ATRX: variants seen among roughly 807,000 people sequenced by gnomAD.
The protein encoded by ATRX is ATRX chromatin remodeler.
A neutral mutation model predicts 172.6 loss-of-function variants in ATRX; 12 were observed. That is an observed-to-expected ratio of 0.07 (90% CI 0.04 to 0.11). The LOEUF (loss-of-function observed/expected upper bound fraction) is 0.11. ATRX is among the 10% of genes least tolerant of loss of function. ATRX has a pLI of 1.00. For synonymous variants in ATRX, 674 were observed against 594.7 expected, an observed-to-expected ratio of 1.13 and a Z score of -1.94; for missense variants, 1,368 against 1,767.4, an observed-to-expected ratio of 0.77 and a Z score of 4.05.
chrX:77,668,919 G>A (rs976323140), intron 10 of ATRX, among the ~76,000 whole-genome samples: 8 of 110,523 alleles, frequency 7.2e-5, no homozygotes, highest in Admixed American at 2.9e-4. Context: ...GAGTAATGTC[G>A]CTTGTTTAAA....
At chrX:77,724,175 G>A (rs1299726357) in intron 1 of ATRX, among the ~76,000 whole-genome samples, 3 of 110,018 alleles carry the variant, frequency 2.7e-5, no homozygotes, top group Non-Finnish European at 5.7e-5. Flanking sequence ...CTACTTGGGA[G>A]GCTGAGGCAG....
rs782158232 is a variant in ATRX, at chrX:77,683,631, A to G, written c.1625T>C (p.Val542Ala). 3.6e-5 allele frequency: 44 copies of G among 1,210,009 alleles called. No homozygotes were observed. The Admixed American group carries it at 9.2e-4, about 25-fold the overall frequency. Residue 542 changes from valine (V) to alanine (A), a missense_variant, in exon 9 of 35, where the codon GTT becomes GCT. Physicochemically the swap from Val to Ala is moderately conservative, Grantham distance 64 (BLOSUM62 0). Around this residue, in one of 17 missense-constraint regions of ATRX, gnomAD observed 843 missense variants for 643.1 expected, o/e 1.31. Transcript: ENST00000373344. ...LETAMEVQSS[V>A]DHQGDGSSGT... ...ACTGCTGCCATCCCCTTGATGATCA[A>G]CTGAACTCTGAACTTCCATAGCAGT... is the stretch of plus-strand genomic sequence containing the variant.
intron 19 of ATRX, among the ~76,000 whole-genome samples, chrX:77,632,279 A>G (rs956411120): frequency 7.2e-5 from 8 of 111,344 alleles, no homozygotes; most frequent in Non-Finnish European, 1.3e-4. Flanking sequence ...AAATAAGTAC[A>G]CTAAGCACCT....
chrX:77,753,091 T>C (rs987709981), intron 1 of ATRX, among the ~76,000 whole-genome samples: 25 of 111,663 alleles, frequency 2.2e-4, no homozygotes, highest in Non-Finnish European at 4.0e-4. Flanking sequence ...TGAATCCATC[T>C]GCTCCTGGGC....
chrX:77,528,863 G>A (rs1019499611), intron 30 of ATRX, among the ~76,000 whole-genome samples: 2 of 111,638 alleles, frequency 1.8e-5, no homozygotes, highest in Non-Finnish European at 3.8e-5. Flanking sequence ...AACAAATATC[G>A]CTGGGCTAAA....
intron 1 of ATRX, among the ~76,000 whole-genome samples, chrX:77,775,376 T>C (rs1240462280): frequency 9.0e-6 from 1 of 111,577 alleles, no homozygotes; most frequent in African/African-American, 3.3e-5. Flanking sequence ...CTCCTGAGGT[T>C]ACAGTTACAA....
intron 19 of ATRX, 38 bp from the exon 20 acceptor site, chrX:77,620,570 T>C: frequency 9.1e-7 from 1 of 1,101,487 alleles, no homozygotes; most frequent in Non-Finnish European, 1.2e-6. Context: ...AATTAATATA[T>C]AATAAAACTG....
At chrX:77,629,035 A>G (rs1257670340) in intron 19 of ATRX, among the ~76,000 whole-genome samples, 1 of 112,257 alleles carries the variant, frequency 8.9e-6, no homozygotes, top group Non-Finnish European at 1.9e-5. Flanking sequence ...ACTGTTTCCA[A>G]TCCTAATACA....
chrX:77,620,792 G>C (rs1426026883), intron 19 of ATRX, among the ~76,000 whole-genome samples: 4 of 111,054 alleles, frequency 3.6e-5, no homozygotes, highest in African/African-American at 1.3e-4. Flanking sequence ...ACAAAAATAA[G>C]CAAAAATAAA....
At chrX:77,774,599 C>T (rs995369465) in intron 1 of ATRX, among the ~76,000 whole-genome samples, 22 of 110,955 alleles carry the variant, frequency 2.0e-4, no homozygotes, top group Non-Finnish European at 3.8e-4. Context: ...ATGGCGTGAA[C>T]CCAGCAGGCG....
intron 30 of ATRX, among the ~76,000 whole-genome samples, chrX:77,544,746 CTCA>C (rs2064170122): frequency 9.0e-6 from 1 of 110,782 alleles, no homozygotes; most frequent in African/African-American, 3.3e-5. Context: ...AGGACATGAA[CTCA>C]TCATTTTTTA....
rs782787546 is a variant in ATRX, at chrX:77,622,772, C to T, written c.5135-2240G>A. On this transcript the variant is annotated intron_variant, in intron 19 of 34. Coordinates refer to ENST00000373344, the MANE Select transcript of ATRX (RefSeq NM_000489.6). ...TCAAACACACTCGGGGCTGTTTCGGCGCTGGAGGGGTAGGGGGTGCGGTAC... is the reference window on the plus strand; with the variant it reads ...TCAAACACACTCGGGGCTGTTTCGGTGCTGGAGGGGTAGGGGGTGCGGTAC... Among the ~76,000 whole-genome samples the T allele has an allele frequency of 2.4e-4, 27 of 110,443 alleles. No individual in the cohort carries two copies. The South Asian group carries it at 3.5e-3, about 14-fold the overall frequency.
chrX:77,673,450 A>C (rs1301619900), intron 10 of ATRX, among the ~76,000 whole-genome samples: 3 of 111,493 alleles, frequency 2.7e-5, no homozygotes, highest in African/African-American at 9.7e-5. Context: ...GTTATATAAA[A>C]TTCAAAATAT....
intron 34 of ATRX, among the ~76,000 whole-genome samples, chrX:77,509,203 A>T (rs1158296861): frequency 2.7e-5 from 3 of 112,226 alleles, no homozygotes; most frequent in Non-Finnish European, 3.8e-5. Flanking sequence ...GGGAAACATG[A>T]TCAAGGATCC....
At chrX:77,607,280 C>T (rs2066948194) in intron 22 of ATRX, among the ~76,000 whole-genome samples, 2 of 112,204 alleles carry the variant, frequency 1.8e-5, no homozygotes, top group Non-Finnish European at 3.8e-5. Flanking sequence ...AACTGATCAG[C>T]AATTTCAGTA....
intron 7 of ATRX, among the ~76,000 whole-genome samples, chrX:77,687,019 T>C (rs1382343903): frequency 2.8e-5 from 3 of 108,173 alleles, no homozygotes; most frequent in Non-Finnish European, 5.7e-5. Context: ...CCAGGTGTGG[T>C]AGTGGACACC....
rs782027908 is a variant in ATRX at position 77,688,707 on chromosome X, C to A, written c.594+111G>T. ...TTTTCCCCACTATAGTAGAAGTCTT[C>A]CAAGGGCAGATACCATTTTCATCTT... On this transcript the variant is annotated intron_variant, in intron 7 of 34. Transcript: ENST00000373344. The A allele has an allele frequency of 6.9e-5, 43 of 621,047 alleles. No individual in the cohort carries two copies. In the African/African-American group the frequency reaches 8.9e-4, roughly 13 times the overall value. The allele number at this position is 621,047 out of a possible 1,213,427, so 51.2% of individuals were successfully genotyped here.
chrX:77,562,757 G>A (rs1057094302), intron 28 of ATRX, among the ~76,000 whole-genome samples: 2 of 111,501 alleles, frequency 1.8e-5, no homozygotes, highest in Non-Finnish European at 3.8e-5. Flanking sequence ...ATGTTGCCCA[G>A]GCTGGTCTTG....
intron 30 of ATRX, among the ~76,000 whole-genome samples, chrX:77,534,732 G>A (rs1166483112): frequency 2.7e-5 from 3 of 111,397 alleles, no homozygotes; most frequent in South Asian, 7.4e-4. Context: ...CTTTTAAAAC[G>A]ACTAGTTCAA....
Sources: gnomAD v4.1 joint callset for allele counts (sites outside exome capture counted in the v4.1 genomes callset) on GRCh38, gnomAD v4.1.1 for gene constraint, gnomAD v4.1.1 regional missense constraint, MANE v1.5 for transcripts, NCBI Gene and HGNC (gene_info 2026-07-23, HGNC 2026-07-21) for gene names.